The following KCNK13 variants were observed in gnomAD, a reference collection of about 807,000 sequenced individuals.
The protein encoded by KCNK13 is potassium two pore domain channel subfamily K member 13.
A neutral mutation model predicts 23.4 loss-of-function variants in KCNK13; 12 were observed. That is an observed-to-expected ratio of 0.51 (90% confidence interval 0.33 to 0.83). KCNK13 has a LOEUF of 0.83. Ranked by LOEUF, KCNK13 falls within the 40% of genes least tolerant of loss-of-function variation. The probability of loss-of-function intolerance (pLI) is 0.02; values close to 1 mark genes in which losing one functional copy is unlikely to be tolerated. For missense variants in KCNK13, 463 were observed against 556.3 expected, an observed-to-expected ratio of 0.83 and a Z score of 1.69; for synonymous variants, 231 against 229.5, an observed-to-expected ratio of 1.01 and a Z score of -0.06.
chr14:90,107,132 C>T (rs553220031), intron 1 of KCNK13, among the ~76,000 whole-genome samples: 5 of 152,216 alleles, frequency 3.3e-5, no homozygotes, highest in Middle Eastern at 3.4e-3. Context: ...CACACACCAC[C>T]GCTTTACTGT....
intron 1 of KCNK13, among the ~76,000 whole-genome samples, chr14:90,134,552 C>A (rs1320725682): frequency 6.6e-6 from 1 of 152,156 alleles, no homozygotes; most frequent in Admixed American, 6.5e-5. Flanking sequence ...CACACACACA[C>A]AAAGACTGAA....
At chr14:90,124,911 A>G (rs1889778805) in intron 1 of KCNK13, among the ~76,000 whole-genome samples, 1 of 152,236 alleles carries the variant, frequency 6.6e-6, no homozygotes, top group African/African-American at 2.4e-5. Flanking sequence ...AAAATTTGTA[A>G]AAGTAGAAAC....
intron 1 of KCNK13, among the ~76,000 whole-genome samples, chr14:90,106,988 C>T (rs1416494934): frequency 1.3e-5 from 2 of 151,588 alleles, no homozygotes; most frequent in Non-Finnish European, 2.9e-5. Flanking sequence ...ACCACTGCAC[C>T]CCAGCCTGGG....
In KCNK13 at chr14:90,062,693, C is replaced by T. The variant is rs984298504; in HGVS notation, c.334+154C>T. ...GTCGCCTGATCAACAGGTGGTATTG[C>T]CTCCCCGCTGCTCTAATGTGGTCCA... On this transcript the variant is annotated intron_variant, in intron 1 of 1. Transcript: ENST00000282146. The surrounding 1 kb of genome is among the most constrained non-coding windows in gnomAD (Gnocchi z 4.5). 2.6e-5 allele frequency among the ~76,000 whole-genome samples: 4 copies of T among 152,168 alleles called. No individual in the cohort carries two copies. The highest frequency in any genetic ancestry group is 9.6e-5 in the African/African-American group (4 of 41,452).
At chr14:90,114,711 C>T (rs1464208683) in intron 1 of KCNK13, among the ~76,000 whole-genome samples, 2 of 152,164 alleles carry the variant, frequency 1.3e-5, no homozygotes, top group South Asian at 2.1e-4. Context: ...TTTGTGTCTC[C>T]ACCACCAGGA....
intron 1 of KCNK13, among the ~76,000 whole-genome samples, chr14:90,106,099 G>T (rs758343901): frequency 6.6e-6 from 1 of 152,162 alleles, no homozygotes; most frequent in Admixed American, 6.5e-5. Context: ...GAAAAATGAG[G>T]TGATTCAATC....
intron 1 of KCNK13, among the ~76,000 whole-genome samples, chr14:90,080,396 C>T (rs973413722): frequency 2.0e-5 from 3 of 152,052 alleles, no homozygotes; most frequent in South Asian, 2.1e-4. Flanking sequence ...GCAGAGGTTG[C>T]AGTGAGCCGA....
intron 1 of KCNK13, among the ~76,000 whole-genome samples, chr14:90,087,129 C>CATATATATATATATAT (rs141670518): frequency 2.4e-5 from 3 of 124,708 alleles, no homozygotes; most frequent in African/African-American, 9.3e-5. Flanking sequence ...TATATATATA[C>CATATATATATATATAT]ATATATATAT....
chr14:90,180,249 G>A (rs1381364176), intron 1 of KCNK13, among the ~76,000 whole-genome samples: 1 of 152,180 alleles, frequency 6.6e-6, no homozygotes, highest in Non-Finnish European at 1.5e-5. Context: ...AGGAGTTGCT[G>A]ACAAGCACAC....
At chr14:90,100,022 T>C (rs935765853) in intron 1 of KCNK13, among the ~76,000 whole-genome samples, 1 of 152,180 alleles carries the variant, frequency 6.6e-6, no homozygotes, top group Non-Finnish European at 1.5e-5. Context: ...GCACATTACC[T>C]AAGGCTCAGC....
At chr14:90,110,086 C>T (rs916757923) in intron 1 of KCNK13, among the ~76,000 whole-genome samples, 1 of 152,180 alleles carries the variant, frequency 6.6e-6, no homozygotes, top group African/African-American at 2.4e-5. Flanking sequence ...GACAGCCAAA[C>T]TACCTGCCCA....
chr14:90,075,166 C>G (rs1889120531), intron 1 of KCNK13, among the ~76,000 whole-genome samples: 3 of 151,936 alleles, frequency 2.0e-5, no homozygotes, highest in African/African-American at 7.3e-5. Context: ...ATTATGATGG[C>G]TTAGATGTTC....
chr14:90,085,809 A>C (rs1889268340), intron 1 of KCNK13, among the ~76,000 whole-genome samples: 1 of 17,824 alleles, frequency 5.6e-5, no homozygotes, highest in South Asian at 2.5e-3. Context: ...ATTATATATT[A>C]TATTATATAT....
chr14:90,176,406 G>A (rs1478460411), intron 1 of KCNK13, among the ~76,000 whole-genome samples: 2 of 151,982 alleles, frequency 1.3e-5, no homozygotes, highest in Admixed American at 1.3e-4. Context: ...TTCCATCATT[G>A]AACCCACTTC....
chr14:90,075,255 T>A (rs1422474701), intron 1 of KCNK13, among the ~76,000 whole-genome samples: 1 of 152,236 alleles, frequency 6.6e-6, no homozygotes, highest in South Asian at 2.1e-4. Flanking sequence ...CCACTATTTT[T>A]TATGTTTATA....
intron 1 of KCNK13, among the ~76,000 whole-genome samples, chr14:90,147,528 C>A (rs1890087495): frequency 6.6e-6 from 1 of 151,984 alleles, no homozygotes. Flanking sequence ...TGGCAGACAT[C>A]TTTTCTTAGA....
chr14:90,068,397 C>T (rs1225853303), intron 1 of KCNK13, among the ~76,000 whole-genome samples: 8 of 152,040 alleles, frequency 5.3e-5, no homozygotes, highest in African/African-American at 1.9e-4. Context: ...GAGTTCGAAA[C>T]CAGCCTGGCC....
At chr14:90,140,233 T>C (rs1255537029) in intron 1 of KCNK13, among the ~76,000 whole-genome samples, 2 of 152,158 alleles carry the variant, frequency 1.3e-5, no homozygotes, top group Non-Finnish European at 2.9e-5. Flanking sequence ...CTCTGAGCCA[T>C]CATGCAAGGC....
chr14:90,140,055 G>C lies in KCNK13; in HGVS notation c.335-44056G>C, dbSNP rs193158528. On this transcript the variant is annotated intron_variant, in intron 1 of 1. Transcript: ENST00000282146. ...CTGTGGGGTGACTGTGCAGATGGCA[G>C]GTAGTCAGATTTGAGATTTTGGGAT... Among the ~76,000 whole-genome samples the C allele has an allele frequency of 7.2e-5, 11 of 152,302 alleles. No homozygotes were observed. In the East Asian group the frequency reaches 1.9e-3, roughly 27 times the overall value.
Sources: allele counts gnomAD v4.1 joint callset (sites outside exome capture counted in the v4.1 genomes callset), GRCh38; gene constraint gnomAD v4.1.1; non-coding constraint Gnocchi (gnomAD v3.1); transcripts MANE v1.5; gene names NCBI Gene and HGNC (gene_info 2026-07-23, HGNC 2026-07-21).